Variants in KIAA0825 observed in about 807,000 individuals in gnomAD.
KIAA0825 encodes uncharacterized protein KIAA0825.
In KIAA0825, 119 loss-of-function variants were observed where a neutral mutation model predicts 147.6. That is an observed-to-expected ratio of 0.81 (90% CI 0.69 to 0.94). The LOEUF is 0.94. KIAA0825 is among the 40% of genes least tolerant of loss of function. The pLI, the probability that KIAA0825 is intolerant of heterozygous loss-of-function variation, is 0.00. For synonymous variants in KIAA0825, 470 were observed against 518.1 expected, an observed-to-expected ratio of 0.91 and a Z score of 1.26; for missense variants, 1,381 against 1,472.7, an observed-to-expected ratio of 0.94 and a Z score of 1.02.
chr5:94,339,353 GA>G (rs1452067065), intron 20 of KIAA0825, among the ~76,000 whole-genome samples: 2 of 152,138 alleles, frequency 1.3e-5, no homozygotes, highest in Non-Finnish European at 2.9e-5. Context: ...ATTGTAGATA[GA>G]TTTTTACATC....
At position 94,231,178 on chromosome 5, in the gene KIAA0825, A is replaced by T. The variant is rs144800543; in HGVS notation, c.3711-77054T>A. On this transcript the variant is annotated intron_variant, in intron 20 of 20. Transcript: ENST00000682413. ...AATTTTTATTTCTTTAAAAGGGGGA[A>T]CTGTAAAAAGGTCATAACATTAATC... Among the ~76,000 whole-genome samples, 56 of 152,286 alleles carry T rather than the reference A, an allele frequency of 3.7e-4. 2 individuals are homozygous for T. In the East Asian group the frequency reaches 0.01, roughly 28 times the overall value.
At chr5:94,183,542 T>C (rs1562299831) in intron 20 of KIAA0825, among the ~76,000 whole-genome samples, 1 of 152,158 alleles carries the variant, frequency 6.6e-6, no homozygotes, top group Non-Finnish European at 1.5e-5. Flanking sequence ...GATCAAGGCA[T>C]GATTAGAGGG....
In KIAA0825 at chr5:94,331,152, AAGAG is replaced by A. The variant is rs551890110; in HGVS notation, c.3710+53212_3710+53215del. On this transcript the variant is annotated intron_variant, in intron 20 of 20. Coordinates refer to ENST00000682413, the MANE Select transcript of KIAA0825 (RefSeq NM_001145678.3). The stretch of plus-strand genomic sequence containing the variant: ...TCTGTCTCAAAAAAAAAAAGAAAGA[AAGAG>A]AGAGAGAGAGAAAGAAAGAAGAAGA... Among the ~76,000 whole-genome samples, 133 of 151,526 alleles carry A rather than the reference AAGAG, an allele frequency of 8.8e-4. 2 individuals carry two copies. Among genetic ancestry groups the A allele is most frequent in the Admixed American group, 1.7e-3 (26 of 15,176 alleles).
intron 20 of KIAA0825, among the ~76,000 whole-genome samples, chr5:94,331,156 G>A (rs548647963): frequency 2.7e-5 from 4 of 149,006 alleles, no homozygotes; most frequent in South Asian, 4.2e-4. Flanking sequence ...GAAAGAAAGA[G>A]AGAGAGAGAG....
chr5:94,496,911 G>T (rs61498063), intron 5 of KIAA0825, among the ~76,000 whole-genome samples: 12,082 of 152,022 alleles, frequency 0.079, 1,593 homozygotes, highest in African/African-American at 0.27. Context: ...CACTGTCACC[G>T]GACTCTCTCC....
intron 7 of KIAA0825, among the ~76,000 whole-genome samples, chr5:94,476,610 G>A (rs535207737): frequency 6.6e-6 from 1 of 152,262 alleles, no homozygotes; most frequent in African/African-American, 2.4e-5. Flanking sequence ...CTTCCATGAG[G>A]TCTTCCATCA....
intron 20 of KIAA0825, among the ~76,000 whole-genome samples, chr5:94,220,728 A>C (rs992136452): frequency 3.3e-5 from 5 of 152,176 alleles, no homozygotes; most frequent in Non-Finnish European, 7.3e-5. Context: ...CAATTAACTA[A>C]ACAAATCCTG....
chr5:94,268,906 C>T (rs2150140267), intron 20 of KIAA0825, among the ~76,000 whole-genome samples: 1 of 152,168 alleles, frequency 6.6e-6, no homozygotes, highest in South Asian at 2.1e-4. Flanking sequence ...GCTCATATGC[C>T]CCTCAAATTC....
intron 12 of KIAA0825, among the ~76,000 whole-genome samples, chr5:94,459,943 A>G (rs1376962402): frequency 6.6e-6 from 1 of 152,106 alleles, no homozygotes; most frequent in Non-Finnish European, 1.5e-5. Flanking sequence ...TTCTTAAATT[A>G]CTTGTGGCAA....
chr5:94,523,858 G>A (rs1248679225), intron 4 of KIAA0825, 72 bp downstream of exon 4: 11 of 989,324 alleles, frequency 1.1e-5, no homozygotes, highest in South Asian at 7.5e-5. Flanking sequence ...AAATATTTAC[G>A]TATAGAAATT....
chr5:94,221,185 C>T (rs1773639980), intron 20 of KIAA0825, among the ~76,000 whole-genome samples: 1 of 152,144 alleles, frequency 6.6e-6, no homozygotes, highest in African/African-American at 2.4e-5. Flanking sequence ...TCTTTGTGGT[C>T]TCAGGGGTAG....
At chr5:94,574,950 C>T (rs1418224071) in intron 2 of KIAA0825, among the ~76,000 whole-genome samples, 1 of 152,158 alleles carries the variant, frequency 6.6e-6, no homozygotes, top group African/African-American at 2.4e-5. Flanking sequence ...CCATTCACAG[C>T]TACCTGCTCC....
chr5:94,613,400 T>C (rs73134681), intron 1 of KIAA0825, among the ~76,000 whole-genome samples: 1 of 152,106 alleles, frequency 6.6e-6, no homozygotes, highest in Non-Finnish European at 1.5e-5. Flanking sequence ...GGTTTTACCA[T>C]GTAGGTCAGG....
chr5:94,216,708 TAAG>T, intron 20 of KIAA0825, among the ~76,000 whole-genome samples: 1 of 152,314 alleles, frequency 6.6e-6, no homozygotes, highest in South Asian at 2.1e-4. Flanking sequence ...GAATTGTCTC[TAAG>T]AACTTCTCAA....
At chr5:94,364,692 T>C (rs1745584226) in intron 20 of KIAA0825, among the ~76,000 whole-genome samples, 1 of 152,216 alleles carries the variant, frequency 6.6e-6, no homozygotes, top group Non-Finnish European at 1.5e-5. Flanking sequence ...GTCAGTTTTC[T>C]AATCTGTCAC....
At chr5:94,610,821 A>G (rs2152438427) in intron 1 of KIAA0825, among the ~76,000 whole-genome samples, 2 of 140,134 alleles carry the variant, frequency 1.4e-5, no homozygotes, top group Admixed American at 1.4e-4. Context: ...AAAAAGATTA[A>G]AAAAAAAGTC....
intron 1 of KIAA0825, among the ~76,000 whole-genome samples, chr5:94,605,552 A>G (rs1045809783): frequency 6.6e-6 from 1 of 152,198 alleles, no homozygotes; most frequent in African/African-American, 2.4e-5. Context: ...CAGCACATCA[A>G]AAAGCTTATG....
At chr5:94,268,297 T>G (rs957055368) in intron 20 of KIAA0825, among the ~76,000 whole-genome samples, 1 of 152,134 alleles carries the variant, frequency 6.6e-6, no homozygotes, top group South Asian at 2.1e-4. Flanking sequence ...AAGTAGCCAG[T>G]TTACTAGCAT....
chr5:94,562,881 C>T (rs1331566131), intron 2 of KIAA0825, among the ~76,000 whole-genome samples: 1 of 152,154 alleles, frequency 6.6e-6, no homozygotes, highest in Non-Finnish European at 1.5e-5. Flanking sequence ...GGAGAAACTA[C>T]TTAAATTAAG....
Sources: gnomAD v4.1 joint callset for allele counts (sites outside exome capture counted in the v4.1 genomes callset) on GRCh38, gnomAD v4.1.1 for gene constraint, MANE v1.5 for transcripts, NCBI Gene and HGNC (gene_info 2026-07-23, HGNC 2026-07-21) for gene names.